RALYL: variants seen among roughly 807,000 people sequenced by gnomAD.
The protein encoded by RALYL is RNA-binding Raly-like protein.
Under a neutral mutation model 35.1 loss-of-function variants are expected in RALYL, and 29 were observed. The observed-to-expected ratio is 0.83, with a 90% CI of 0.61 to 1.13. The LOEUF (loss-of-function observed/expected upper bound fraction) is 1.13, where lower values mean the gene tolerates loss of function less well. RALYL is among the 50% of genes most tolerant of loss of function. RALYL has a pLI of 0.00. For synonymous variants in RALYL, 120 were observed against 127.6 expected, an observed-to-expected ratio of 0.94 and a Z score of 0.40; for missense variants, 359 against 360.4, an observed-to-expected ratio of 1.00 and a Z score of 0.03.
intron 1 of RALYL, among the ~76,000 whole-genome samples, chr8:84,417,114 A>C (rs2044801450): frequency 7.6e-6 from 1 of 132,048 alleles, no homozygotes; most frequent in African/African-American, 3.3e-5. Context: ...GAATTAGAAC[A>C]AAAAAAAAAA....
intron 1 of RALYL, among the ~76,000 whole-genome samples, chr8:84,429,937 G>C (rs1403538232): frequency 6.6e-6 from 1 of 150,956 alleles, no homozygotes; most frequent in African/African-American, 2.4e-5. Context: ...CCTCTGCCCA[G>C]TTTTTGCATT....
At chr8:84,699,520 C>T (rs1355824193) in intron 2 of RALYL, among the ~76,000 whole-genome samples, 2 of 152,094 alleles carry the variant, frequency 1.3e-5, no homozygotes, top group African/African-American at 2.4e-5. Flanking sequence ...GGCAACTTCT[C>T]TTTGTGTCCT....
chr8:84,382,639 G>C lies in RALYL; in HGVS notation c.-23-146660G>C, dbSNP rs535988269. 2.6e-5 allele frequency among the ~76,000 whole-genome samples: 4 copies of C among 151,532 alleles called. No individual in the cohort carries two copies. In the South Asian group the frequency reaches 6.2e-4, roughly 24 times the overall value. Reference sequence around the variant, plus strand: ...AAATGATGTTAGCCCTACAGTGTTTGGTGAATATAAAAATATATATCATTG... The same window carrying C: ...AAATGATGTTAGCCCTACAGTGTTTCGTGAATATAAAAATATATATCATTG... On this transcript the variant is annotated intron_variant, in intron 1 of 8. Coordinates refer to ENST00000521268, the MANE Select transcript of RALYL (RefSeq NM_173848.7).
chr8:84,437,051 G>A (rs1390697829), intron 1 of RALYL, among the ~76,000 whole-genome samples: 2 of 151,936 alleles, frequency 1.3e-5, no homozygotes, highest in Non-Finnish European at 2.9e-5. Context: ...TAGTCCCAAT[G>A]TTTATTGCTG....
At chr8:84,185,178 G>A (rs963273010) in intron 1 of RALYL, 1 of 731,274 alleles carries the variant, frequency 1.4e-6, no homozygotes. Context: ...TGATCACTTG[G>A]GTTTAATGTT....
Position 84,210,216 on chromosome 8 carries a change from A to G in RALYL, c.-24+25792A>G, listed in dbSNP as rs529392490. On this transcript the variant is annotated intron_variant, in intron 1 of 8. Transcript: ENST00000521268. The stretch of plus-strand genomic sequence containing the variant: ...CTTAATAATAAATATGCATATATAT[A>G]TGTGTGTATGTGTATATATATATGT... Among the ~76,000 whole-genome samples, 124 of 152,140 alleles carry G rather than the reference A, an allele frequency of 8.2e-4. 1 individual carries two copies. The Middle Eastern group carries it at 0.01, about 13-fold the overall frequency.
intron 1 of RALYL, among the ~76,000 whole-genome samples, chr8:84,202,497 G>A (rs376902626): frequency 2.7e-5 from 4 of 149,968 alleles, no homozygotes; most frequent in South Asian, 2.1e-4. Flanking sequence ...TCAGCCTCCC[G>A]AGTGGCTGGG....
At chr8:84,857,153 C>T (rs1272269642) in intron 5 of RALYL, among the ~76,000 whole-genome samples, 4 of 151,060 alleles carry the variant, frequency 2.6e-5, no homozygotes, top group Non-Finnish European at 4.4e-5. Flanking sequence ...CAAAGTTAAG[C>T]ATAATGAAAA....
chr8:84,871,016 G>A (rs935118306), intron 6 of RALYL, among the ~76,000 whole-genome samples: 10 of 152,156 alleles, frequency 6.6e-5, no homozygotes, highest in African/African-American at 2.4e-4. Flanking sequence ...TTCTAAGAGG[G>A]AACTGAGCAG....
chr8:84,429,031 A>T (rs746240829), intron 1 of RALYL, among the ~76,000 whole-genome samples: 2 of 152,166 alleles, frequency 1.3e-5, no homozygotes, highest in Non-Finnish European at 2.9e-5. Flanking sequence ...AAAGTAATTT[A>T]TGGCAACATT....
intron 1 of RALYL, among the ~76,000 whole-genome samples, chr8:84,403,589 TGTA>T (rs1242006476): frequency 6.8e-6 from 1 of 147,016 alleles, no homozygotes; most frequent in Non-Finnish European, 1.5e-5. Flanking sequence ...ACTGTAGCCT[TGTA>T]GTATAGTTTG....
chr8:84,919,450 C>CG (rs1486151563), intron 8 of RALYL, among the ~76,000 whole-genome samples: 1 of 152,032 alleles, frequency 6.6e-6, no homozygotes, highest in Non-Finnish European at 1.5e-5. Flanking sequence ...AAGTAGTCTA[C>CG]TTATGTTGTA....
At chr8:84,671,341 C>G (rs1038038189) in intron 2 of RALYL, among the ~76,000 whole-genome samples, 2 of 152,156 alleles carry the variant, frequency 1.3e-5, no homozygotes, top group East Asian at 3.9e-4. Flanking sequence ...GTTGGTGGAT[C>G]TACCATTCTG....
At chr8:84,765,828 A>G (rs1340226456) in intron 2 of RALYL, among the ~76,000 whole-genome samples, 2 of 140,710 alleles carry the variant, frequency 1.4e-5, no homozygotes, top group Non-Finnish European at 3.2e-5. Flanking sequence ...TTCTATTTAA[A>G]CCTGATGAGG....
At chr8:84,551,174 T>C (rs1400930470) in intron 2 of RALYL, among the ~76,000 whole-genome samples, 1 of 152,084 alleles carries the variant, frequency 6.6e-6, no homozygotes, top group Non-Finnish European at 1.5e-5. Context: ...TTTAAATTTC[T>C]ACTAGATAAA....
chr8:84,791,448 C>G (rs1168526975), intron 3 of RALYL, among the ~76,000 whole-genome samples: 5 of 152,128 alleles, frequency 3.3e-5, no homozygotes, highest in African/African-American at 4.8e-5. Context: ...CCTCACAGGC[C>G]TTTGAAGCAC....
At chr8:84,919,681 T>C (rs940243857) in intron 8 of RALYL, among the ~76,000 whole-genome samples, 19 of 152,062 alleles carry the variant, frequency 1.2e-4, no homozygotes, top group Non-Finnish European at 2.9e-5. Flanking sequence ...AGAGAATATA[T>C]CAAAATACAG....
At chr8:84,539,464 C>G (rs922705482) in intron 2 of RALYL, among the ~76,000 whole-genome samples, 3 of 151,970 alleles carry the variant, frequency 2.0e-5, no homozygotes, top group Non-Finnish European at 4.4e-5. Flanking sequence ...AATTTATGTT[C>G]TCTGGCTCTA....
intron 3 of RALYL, among the ~76,000 whole-genome samples, chr8:84,787,339 T>C (rs1819772547): frequency 1.3e-5 from 2 of 152,194 alleles, no homozygotes; most frequent in African/African-American, 4.8e-5. Flanking sequence ...GGACATGAAC[T>C]CATCTTTTTT....
Sources: gnomAD v4.1 joint callset for allele counts (sites outside exome capture counted in the v4.1 genomes callset) on GRCh38, gnomAD v4.1.1 for gene constraint, MANE v1.5 for transcripts, NCBI Gene and HGNC (gene_info 2026-07-23, HGNC 2026-07-21) for gene names.